RABGAP1L: variants seen among roughly 807,000 people sequenced by gnomAD.
RABGAP1L encodes RAB GTPase activating protein 1 like.
A neutral mutation model predicts 137.7 loss-of-function variants in RABGAP1L; 63 were observed. That is an observed-to-expected ratio of 0.46 (90% CI 0.37 to 0.56). The LOEUF is 0.56. Among genes scored for constraint, RABGAP1L ranks in the 20% least tolerant of loss-of-function variants. The pLI is 0.00. For synonymous variants in RABGAP1L, 431 were observed against 433.7 expected (o/e 0.99, Z 0.08); for missense variants, 1,095 against 1,244.0 (o/e 0.88, Z 1.80).
At chr1:174,883,761 G>A (rs1654637476) in intron 19 of RABGAP1L, among the ~76,000 whole-genome samples, 1 of 152,170 alleles carries the variant, frequency 6.6e-6, no homozygotes, top group Admixed American at 6.5e-5. Context: ...GAGATGACAA[G>A]TGTCTGGACT....
At chr1:174,229,018 G>GT (rs34335797) in intron 3 of RABGAP1L, among the ~76,000 whole-genome samples, 5,478 of 148,190 alleles carry the variant, frequency 0.037, 279 homozygotes, top group African/African-American at 0.12. Flanking sequence ...AAAATGAACA[G>GT]TTTTTTTTTT....
intron 13 of RABGAP1L, among the ~76,000 whole-genome samples, chr1:174,477,752 T>C (rs142329936): frequency 1.8e-3 from 274 of 152,296 alleles, no homozygotes; most frequent in Non-Finnish European, 3.1e-3. Flanking sequence ...TTTAAGAGGA[T>C]ATTGACATTT....
intron 11 of RABGAP1L, among the ~76,000 whole-genome samples, chr1:174,311,676 A>C (rs1426375851): frequency 1.3e-5 from 2 of 152,114 alleles, no homozygotes; most frequent in Non-Finnish European, 2.9e-5. Flanking sequence ...GTGCGATCTC[A>C]GCTCACTGCA....
At chr1:174,818,389 G>A (rs772346201) in intron 19 of RABGAP1L, among the ~76,000 whole-genome samples, 1 of 152,202 alleles carries the variant, frequency 6.6e-6, no homozygotes, top group African/African-American at 2.4e-5. Context: ...CTGAGAAGTG[G>A]AAAGTAGCTA....
At chr1:174,977,497 T>TA (rs971673693) in intron 22 of RABGAP1L, among the ~76,000 whole-genome samples, 1 of 152,212 alleles carries the variant, frequency 6.6e-6, no homozygotes, top group Non-Finnish European at 1.5e-5. Context: ...AAGCAATTGA[T>TA]ACCTAAAATG....
At chr1:174,979,517 C>T (rs560794536) in intron 23 of RABGAP1L, among the ~76,000 whole-genome samples, 56 of 152,322 alleles carry the variant, frequency 3.7e-4, no homozygotes, top group African/African-American at 1.2e-3. Flanking sequence ...GTAGATCACA[C>T]TTGGAACATT....
At chr1:174,770,168 C>T (rs887416505) in intron 18 of RABGAP1L, among the ~76,000 whole-genome samples, 2 of 152,136 alleles carry the variant, frequency 1.3e-5, no homozygotes, top group Non-Finnish European at 2.9e-5. Flanking sequence ...GGCAGTAAAA[C>T]ACCACTCCTG....
At chr1:174,395,571 C>T (rs1647740176) in intron 13 of RABGAP1L, among the ~76,000 whole-genome samples, 1 of 152,052 alleles carries the variant, frequency 6.6e-6, no homozygotes, top group Non-Finnish European at 1.5e-5. Context: ...CTTACATCTT[C>T]ACACTTAAAA....
At chr1:174,218,580 C>A (rs1025927439) in intron 1 of RABGAP1L, among the ~76,000 whole-genome samples, 2 of 152,010 alleles carry the variant, frequency 1.3e-5, no homozygotes, top group Admixed American at 6.6e-5. Flanking sequence ...GATAATGTGT[C>A]AGGAAAGAGA....
rs1162935309 is a variant in RABGAP1L, at chr1:174,378,032, G to A, written c.1559+6960G>A. ...TTCTCACCTATGAGTGAGAATATGCGGTGTTTGGTTTTTTGTTCTTGCGAT... is the reference window on the plus strand; with the variant it reads ...TTCTCACCTATGAGTGAGAATATGCAGTGTTTGGTTTTTTGTTCTTGCGAT... On this transcript the variant is annotated intron_variant, in intron 12 of 25. Transcript: ENST00000681986. Among the ~76,000 whole-genome samples, 36 of 140,982 alleles carry A rather than the reference G, an allele frequency of 2.6e-4. No homozygotes were observed. The East Asian group carries it at 6.1e-3, about 24-fold the overall frequency. 92.5% of individuals were successfully genotyped at this position (140,982 alleles called of 152,430 possible). A position where few individuals can be genotyped will look rare whatever the true frequency, so the allele number is the denominator to read the frequency against.
chr1:174,873,811 G>A (rs1285729007), intron 19 of RABGAP1L, among the ~76,000 whole-genome samples: 1 of 152,112 alleles, frequency 6.6e-6, no homozygotes, highest in Non-Finnish European at 1.5e-5. Flanking sequence ...GCCCGGTGAG[G>A]TGAGATAATT....
At chr1:174,376,822 C>T (rs1373658846) in intron 12 of RABGAP1L, among the ~76,000 whole-genome samples, 1 of 152,126 alleles carries the variant, frequency 6.6e-6, no homozygotes, top group African/African-American at 2.4e-5. Flanking sequence ...ATGACTCTTA[C>T]TCAACTTAGT....
intron 13 of RABGAP1L, 70 bp from the exon 14 acceptor site, chr1:174,637,305 C>T: frequency 1.1e-5 from 11 of 1,039,750 alleles, no homozygotes; most frequent in South Asian, 7.5e-5. Context: ...AGTTTTTTAC[C>T]ATGTGTATAT....
rs533863920 is a variant in RABGAP1L at position 174,969,237 on chromosome 1, C to G, written c.2434-40C>G. 7.6e-6 allele frequency: 11 copies of G among 1,439,638 alleles called. No homozygotes were observed. The South Asian group carries it at 1.3e-4, about 18-fold the overall frequency. The allele number at this position is 1,439,638 out of a possible 1,614,324, so 89.2% of individuals were successfully genotyped here. The stretch of plus-strand genomic sequence containing the variant: ...CCAGTTCTGTTCGTTTCTGTATGTC[C>G]AGACACTAATGCCCACCTCTGGCTA... On this transcript the variant is annotated intron_variant, in intron 20 of 25. Transcript: ENST00000681986.
intron 13 of RABGAP1L, among the ~76,000 whole-genome samples, chr1:174,556,200 C>G (rs1666874145): frequency 6.6e-6 from 1 of 151,754 alleles, no homozygotes; most frequent in East Asian, 1.9e-4. Context: ...GTTTCACCAT[C>G]TTGGCCAGGT....
intron 14 of RABGAP1L, among the ~76,000 whole-genome samples, chr1:174,647,235 C>T (rs1488020193): frequency 2.0e-5 from 3 of 152,070 alleles, no homozygotes; most frequent in African/African-American, 7.3e-5. Flanking sequence ...CCAGAACTTC[C>T]AATATTGTGT....
At chr1:174,589,492 G>C (rs942100927) in intron 13 of RABGAP1L, among the ~76,000 whole-genome samples, 1 of 151,896 alleles carries the variant, frequency 6.6e-6, no homozygotes, top group African/African-American at 2.4e-5. Flanking sequence ...TTTTTCTTTG[G>C]TTGCTTGTGC....
chr1:174,328,014 TATATATATATACCCA>T (rs1680699462), intron 11 of RABGAP1L, among the ~76,000 whole-genome samples: 1 of 116,328 alleles, frequency 8.6e-6, no homozygotes, highest in African/African-American at 3.8e-5. Context: ...TATATATATA[TATATATATATACCCA>T]ACATCAGAGC....
intron 18 of RABGAP1L, among the ~76,000 whole-genome samples, chr1:174,780,116 A>AAATT (rs1320334564): frequency 7.1e-4 from 103 of 145,934 alleles, no homozygotes; most frequent in African/African-American, 2.4e-3. Context: ...ATAAATAAAT[A>AAATT]AATTAAATAA....
Sources: gnomAD v4.1 joint callset for allele counts (sites outside exome capture counted in the v4.1 genomes callset) on GRCh38, gnomAD v4.1.1 for gene constraint, MANE v1.5 for transcripts, NCBI Gene and HGNC (gene_info 2026-07-23, HGNC 2026-07-21) for gene names.